GALNT13: variants seen among roughly 807,000 people sequenced by gnomAD.
The protein encoded by GALNT13 is UDP-GalNAc:polypeptide N-acetylgalactosaminyltransferase 13.
A neutral mutation model predicts 64.2 loss-of-function variants in GALNT13; 28 were observed. That is an observed-to-expected ratio of 0.44 (90% CI 0.32 to 0.60). The LOEUF (loss-of-function observed/expected upper bound fraction) is 0.60, where lower values mean the gene tolerates loss of function less well. Among genes scored for constraint, GALNT13 ranks in the 20% least tolerant of loss-of-function variants. The pLI is 0.05. For synonymous variants in GALNT13, 214 were observed against 224.6 expected (o/e 0.95, Z 0.42); for missense variants, 577 against 669.8 (o/e 0.86, Z 1.53).
the GALNT13 span, among the ~76,000 whole-genome samples, chr2:153,849,846 ATC>A: frequency 3.3e-5 from 5 of 152,052 alleles, no homozygotes; most frequent in African/African-American, 1.2e-4. Flanking sequence ...CTAAGAAACT[ATC>A]TGATTCTGGG....
chr2:154,402,143 G>T (rs754065968), intron 10 of GALNT13, among the ~76,000 whole-genome samples: 1 of 152,178 alleles, frequency 6.6e-6, no homozygotes, highest in Non-Finnish European at 1.5e-5. Context: ...ATAAACGTAT[G>T]TTGGGATAAT....
chr2:153,278,125 A>G, the GALNT13 span, among the ~76,000 whole-genome samples: 1 of 151,544 alleles, frequency 6.6e-6, no homozygotes, highest in African/African-American at 2.4e-5. Flanking sequence ...ACAGGGTTAT[A>G]GAGACCACCG....
At chr2:153,259,413 G>T in the GALNT13 span, among the ~76,000 whole-genome samples, 1 of 151,052 alleles carries the variant, frequency 6.6e-6, no homozygotes, top group African/African-American at 2.4e-5. Context: ...GAAAAGTTTG[G>T]TCAATTTTCA....
At chr2:153,729,642 A>C in the GALNT13 span, among the ~76,000 whole-genome samples, 1 of 152,032 alleles carries the variant, frequency 6.6e-6, no homozygotes, top group African/African-American at 2.4e-5. Flanking sequence ...TCCTAGGTAG[A>C]GCAATTAAAG....
chr2:154,162,720 C>T (rs1684805930), intron 4 of GALNT13, among the ~76,000 whole-genome samples: 1 of 152,092 alleles, frequency 6.6e-6, no homozygotes, highest in African/African-American at 2.4e-5. Flanking sequence ...TCTCACTGTG[C>T]TTAAAAATAG....
At chr2:153,211,459 A>G in the GALNT13 span, among the ~76,000 whole-genome samples, 2 of 152,166 alleles carry the variant, frequency 1.3e-5, no homozygotes, top group Non-Finnish European at 2.9e-5. Flanking sequence ...CCTTTTAAAC[A>G]TTTCTAAAAT....
chr2:153,148,811 A>C, the GALNT13 span, among the ~76,000 whole-genome samples: 1 of 151,902 alleles, frequency 6.6e-6, no homozygotes, highest in Non-Finnish European at 1.5e-5. Flanking sequence ...AGAGAAAAAG[A>C]CATCAACAAA....
chr2:153,611,972 C>A, the GALNT13 span, among the ~76,000 whole-genome samples: 6 of 151,790 alleles, frequency 4.0e-5, no homozygotes, highest in African/African-American at 1.5e-4. Flanking sequence ...TTTTCCGTTC[C>A]TGTGTTAGTT....
the GALNT13 span, among the ~76,000 whole-genome samples, chr2:153,105,639 A>C: frequency 2.6e-5 from 4 of 152,200 alleles, no homozygotes; most frequent in Non-Finnish European, 4.4e-5. Flanking sequence ...ATCTCAGCCC[A>C]AAATCTTAAT....
In GALNT13 at chr2:154,240,542, T is replaced by C. The variant is rs552555313; in HGVS notation, c.312-1488T>C. On this transcript the variant is annotated intron_variant, in intron 4 of 12. Transcript: ENST00000392825. ...TGCCTTCTCCCTCTCACACGGCGTG[T>C]GATGGGGCTGTGGCTTGCTTCTTCA... is the stretch of plus-strand genomic sequence containing the variant. Among the ~76,000 whole-genome samples, 8 of 152,282 alleles carry C rather than the reference T, an allele frequency of 5.3e-5. No homozygotes were observed. In the East Asian group the frequency reaches 1.6e-3, roughly 30 times the overall value.
At chr2:153,082,796 A>ATTATTTATTGAATAAATAAAATATATT in the GALNT13 span, among the ~76,000 whole-genome samples, 17 of 144,694 alleles carry the variant, frequency 1.2e-4, no homozygotes, top group African/African-American at 3.9e-4. Context: ...TAAAATATAT[A>ATTATTTATTGAATAAATAAAATATATT]TTATTTATTG....
rs142360208 is a variant in GALNT13, at chr2:153,919,282, C to T, written c.-105+18275C>T. 4.1e-3 allele frequency among the ~76,000 whole-genome samples: 616 copies of T among 152,076 alleles called. 3 individuals carry two copies. Among genetic ancestry groups the T allele is most frequent in the African/African-American group, 0.014 (589 of 41,544 alleles). ...ATTTCCATTGACTTGCTGACTCCCT[C>T]ATCTTTACCTCTTCTGATATTCAGT... On this transcript the variant is annotated intron_variant, in intron 2 of 12. Transcript: ENST00000392825.
At chr2:153,612,766 ATC>A in the GALNT13 span, among the ~76,000 whole-genome samples, 7 of 152,286 alleles carry the variant, frequency 4.6e-5, no homozygotes, top group East Asian at 1.4e-3. Context: ...AGTGAGAACA[ATC>A]TATTATCAAA....
intron 3 of GALNT13, among the ~76,000 whole-genome samples, chr2:154,139,652 A>ACACACC (rs1426398269): frequency 6.7e-6 from 1 of 148,756 alleles, no homozygotes; most frequent in Non-Finnish European, 1.5e-5. Flanking sequence ...ACACACACAC[A>ACACACC]CCCCTTGAAA....
At chr2:154,176,756 T>G (rs984839295) in intron 4 of GALNT13, among the ~76,000 whole-genome samples, 1 of 152,194 alleles carries the variant, frequency 6.6e-6, no homozygotes, top group African/African-American at 2.4e-5. Flanking sequence ...GCTATCCATA[T>G]TCCCCTAAAA....
the GALNT13 span, among the ~76,000 whole-genome samples, chr2:153,525,314 A>T: frequency 6.6e-6 from 1 of 152,194 alleles, no homozygotes; most frequent in East Asian, 1.9e-4. Context: ...GACTCAGCAC[A>T]TTTCCAGCTG....
At chr2:153,944,270 T>G in intron 2 of GALNT13, 124 bp from the exon 3 acceptor site, 1 of 391,552 alleles carries the variant, frequency 2.6e-6, no homozygotes, top group Non-Finnish European at 4.5e-6. Flanking sequence ...TAATTTTGGA[T>G]TCGAAGGCTT....
At chr2:153,663,449 C>T in the GALNT13 span, among the ~76,000 whole-genome samples, 37 of 151,842 alleles carry the variant, frequency 2.4e-4, no homozygotes, top group African/African-American at 8.9e-4. Flanking sequence ...TTGCCCATGT[C>T]AGAAAAAAAA....
At chr2:154,341,539 TG>T (rs1333498151) in intron 9 of GALNT13, among the ~76,000 whole-genome samples, 1 of 152,062 alleles carries the variant, frequency 6.6e-6, no homozygotes, top group African/African-American at 2.4e-5. Context: ...GGGACTGTCA[TG>T]CTTGAAAAAT....
Sources: allele counts gnomAD v4.1 joint callset (sites outside exome capture counted in the v4.1 genomes callset), GRCh38; gene constraint gnomAD v4.1.1; transcripts MANE v1.5; gene names NCBI Gene and HGNC (gene_info 2026-07-23, HGNC 2026-07-21).